XAF1: variants seen among roughly 807,000 people sequenced by gnomAD.
The protein encoded by XAF1 is XIAP-associated factor 1.
Under a neutral mutation model 32.3 loss-of-function variants are expected in XAF1, and 32 were observed. The ratio of observed to expected loss-of-function variants is 0.99; its 90% CI spans 0.75 to 1.33. The LOEUF (loss-of-function observed/expected upper bound fraction) is 1.33. XAF1 is among the 40% of genes most tolerant of loss of function. The probability of loss-of-function intolerance (pLI) is 0.00; values close to 1 mark genes in which losing one functional copy is unlikely to be tolerated. For synonymous variants in XAF1, 120 were observed against 125.9 expected (o/e 0.95, Z 0.31); for missense variants, 379 against 366.0 (o/e 1.04, Z -0.29).
chr17:6,770,926 T>C lies in XAF1; in HGVS notation c.791T>C (p.Leu264Pro). 6.2e-7 allele frequency: 1 copy of C among 1,614,150 alleles called. No homozygotes were observed. ...PRGDKAAYDI[L>P]RRCSQCGILL... ...GGAGATAAAGCAGCCTATGACATTCTGAGGAGATGTTCTCAGTGTGGCATC... is the reference window on the plus strand; with the variant it reads ...GGAGATAAAGCAGCCTATGACATTCCGAGGAGATGTTCTCAGTGTGGCATC... Residue 264 changes from leucine (L) to proline (P), a missense_variant, in exon 6 of 7, where the codon CTG becomes CCG. Transcript: ENST00000361842.
intron 1 of XAF1, chr17:6,757,293 A>G (rs4796549): frequency 0.34 from 52,088 of 152,250 alleles, 10,518 homozygotes; most frequent in African/African-American, 0.57. Flanking sequence ...ATGAGCCACC[A>G]CACCCAGCCA....
chr17:6,756,005 A>T (rs3785793), upstream of XAF1: 6 of 1,610,776 alleles, frequency 3.7e-6, no homozygotes, highest in African/African-American at 6.7e-5. Context: ...GGGCTGGGCC[A>T]TCGGAAAACT....
At chr17:6,760,158 A>G (rs12450122) in intron 3 of XAF1, among the ~76,000 whole-genome samples, 1,704 of 151,700 alleles carry the variant, frequency 0.011, 92 homozygotes, top group Admixed American at 0.078. Context: ...GACCAGCCTG[A>G]CCAACATGGT....
rs142607523 is a variant in XAF1, at chr17:6,763,842, G to A, written c.507+1602G>A. Among the ~76,000 whole-genome samples, 434 of 152,284 alleles carry A rather than the reference G, an allele frequency of 2.8e-3. 2 individuals carry two copies. The highest frequency in any genetic ancestry group is 9.8e-3 in the African/African-American group (407 of 41,568). ...GTCTGAGATGCGCTGCCCCAGCCAC[G>A]GGATTCTCAGCCTTGGCTGTACGTG... On this transcript the variant is annotated intron_variant, in intron 5 of 6. Transcript: ENST00000361842.
Position 6,758,160 on chromosome 17 carries a change from C to G in XAF1, c.104C>G (p.Pro35Arg). ...AYCLRFLVLC[P>R]ECEEPVPKET... ...TGCCTGCGGTTCCTGGTCCTGTGTC[C>G]GGAGTGTGAGGAGCCTGTCCCCAAG... is the stretch of plus-strand genomic sequence containing the variant. Residue 35 changes from proline to arginine, a missense_variant, in exon 2 of 7, where the codon CCG becomes CGG. Coordinates refer to ENST00000361842, the MANE Select transcript of XAF1 (RefSeq NM_017523.5). The G allele has an allele frequency of 6.2e-7, 1 of 1,614,176 alleles. No homozygotes were observed. Among genetic ancestry groups the G allele is most frequent in the Non-Finnish European group, 8.5e-7 (1 of 1,180,040 alleles).
chr17:6,770,762 T>A lies in XAF1; in HGVS notation c.627T>A (p.Asp209Glu). ...AENQTSTMEKDVRPKTRSINR... is the reference protein window; with the variant it reads ...AENQTSTMEKEVRPKTRSINR... ...ATCAAACTTCCACGATGGAGAAAGA[T>A]GTTCGTCCAAAGACAAGAAGTATAA... is the stretch of plus-strand genomic sequence containing the variant. The change falls in exon 6 of 7, where the codon GAT (aspartate) becomes GAA (glutamate). Residue 209 changes from aspartate (D) to glutamate (E), a missense_variant. By Grantham distance (45) the Asp-to-Glu change is conservative (BLOSUM62 2). Transcript: ENST00000361842. 2 of 1,614,092 alleles carry A rather than the reference T, an allele frequency of 1.2e-6. No homozygotes were observed. Among genetic ancestry groups the A allele is most frequent in the Non-Finnish European group, 1.7e-6 (2 of 1,179,994 alleles).
intron 5 of XAF1, 51 bp downstream of exon 5, chr17:6,762,291 C>T (rs1207645706): frequency 3.4e-6 from 5 of 1,481,292 alleles, no homozygotes; most frequent in Non-Finnish European, 4.6e-6. Flanking sequence ...CATCCACATT[C>T]TGAAAAGTGT....
intron 6 of XAF1, 163 bp from the exon 7 acceptor site, chr17:6,772,950 T>C (rs1597761841): frequency 3.4e-6 from 2 of 584,862 alleles, no homozygotes; most frequent in African/African-American, 2.0e-5. Context: ...AAGCCTCCTA[T>C]ACTTCTGGCT....
At chr17:6,766,331 A>C (rs1341992313) in intron 5 of XAF1, among the ~76,000 whole-genome samples, 2 of 152,214 alleles carry the variant, frequency 1.3e-5, no homozygotes, top group African/African-American at 2.4e-5. Context: ...GAAAAACTAT[A>C]AGCCCCACTG....
intron 5 of XAF1, among the ~76,000 whole-genome samples, chr17:6,764,720 C>T (rs1975463507): frequency 6.6e-6 from 1 of 151,940 alleles, no homozygotes; most frequent in African/African-American, 2.4e-5. Flanking sequence ...CATCTTGTTT[C>T]TTTGTTCCCC....
At chr17:6,767,104 T>C (rs1241983132) in intron 5 of XAF1, among the ~76,000 whole-genome samples, 9 of 152,194 alleles carry the variant, frequency 5.9e-5, no homozygotes, top group Non-Finnish European at 1.0e-4. Context: ...AAAATCTTAT[T>C]ACAATTCTGA....
intron 4 of XAF1, among the ~76,000 whole-genome samples, chr17:6,760,877 G>A (rs1975147757): frequency 1.3e-5 from 2 of 152,212 alleles, no homozygotes; most frequent in Non-Finnish European, 2.9e-5. Flanking sequence ...GGAGAAGGCT[G>A]GGCGGGGTGG....
chr17:6,757,425 A>G (rs550499602), intron 1 of XAF1: 1 of 152,396 alleles, frequency 6.6e-6, no homozygotes, highest in South Asian at 2.1e-4. Flanking sequence ...TCTGTGAGTT[A>G]GCGCAGGTGA....
upstream of XAF1, chr17:6,755,633 A>G: frequency 9.8e-7 from 1 of 1,019,172 alleles, no homozygotes; most frequent in Non-Finnish European, 1.2e-6. Context: ...TTTAGGGAAC[A>G]GCATTCAAGC....
At chr17:6,766,902 G>A (rs1469491372) in intron 5 of XAF1, among the ~76,000 whole-genome samples, 2 of 152,142 alleles carry the variant, frequency 1.3e-5, no homozygotes, top group Non-Finnish European at 2.9e-5. Context: ...TCTCTCCACG[G>A]TTGGAGTTCT....
chr17:6,756,531 G>A (rs1032897752), intron 1 of XAF1, among the ~76,000 whole-genome samples: 26 of 151,942 alleles, frequency 1.7e-4, no homozygotes, highest in African/African-American at 6.0e-4. Context: ...GGAGCCGTGG[G>A]GCGGGGCAGG....
In XAF1 at chr17:6,773,327, C is replaced by T; in HGVS notation, c.*158C>T. ...AGAACTAAAAACAAAACTCACGTAT[C>T]ATCTCAATAGATACAGAAAAGGCTT... On this transcript the variant is annotated 3_prime_UTR_variant, in exon 7 of 7. Coordinates refer to ENST00000361842, the MANE Select transcript of XAF1 (RefSeq NM_017523.5). 1.7e-6 allele frequency: 1 copy of T among 594,142 alleles called. No individual in the cohort carries two copies. Among genetic ancestry groups the T allele is most frequent in the Non-Finnish European group, 2.8e-6 (1 of 356,910 alleles). 36.8% of individuals were successfully genotyped at this position (594,142 alleles called of 1,614,324 possible).
chr17:6,769,056 C>T (rs958647828), intron 5 of XAF1, among the ~76,000 whole-genome samples: 2 of 151,300 alleles, frequency 1.3e-5, no homozygotes, highest in African/African-American at 2.4e-5. Context: ...TTTCATGACT[C>T]TCCTTTTTTT....
At chr17:6,755,571 T>C (rs1044502409), upstream of XAF1, 12 of 1,005,458 alleles carry the variant, frequency 1.2e-5, no homozygotes, top group African/African-American at 2.1e-4. Context: ...CCCCAGAGCC[T>C]CCCTGGACGC....
Sources: allele counts gnomAD v4.1 joint callset (sites outside exome capture counted in the v4.1 genomes callset), GRCh38; gene constraint gnomAD v4.1.1; transcripts MANE v1.5; gene names NCBI Gene and HGNC (gene_info 2026-07-23, HGNC 2026-07-21).